Variants in PRH1 observed in about 807,000 individuals in gnomAD.
PRH1 encodes proline rich protein HaeIII subfamily 1, also known as salivary acidic proline-rich phosphoprotein 1/2.
In PRH1, 7 loss-of-function variants were observed where a neutral mutation model predicts 7.9. That is an observed-to-expected ratio of 0.89 (90% CI 0.50 to 1.67). The LOEUF is 1.67. Among genes scored for constraint, PRH1 ranks in the 40% most tolerant of loss-of-function variants. The pLI is 0.00. For synonymous variants in PRH1, 45 were observed against 80.8 expected, an observed-to-expected ratio of 0.56 and a Z score of 2.38; for missense variants, 109 against 223.6, an observed-to-expected ratio of 0.49 and a Z score of 3.27.
chr12:11,016,776 C>T (rs1163339048), intron 1 of PRH1, among the ~76,000 whole-genome samples: 1 of 152,190 alleles, frequency 6.6e-6, no homozygotes, highest in Non-Finnish European at 1.5e-5. Context: ...GCAGGACTCT[C>T]ACTTTCTTCC....
At chr12:11,113,057 A>C (rs1249094001) in intron 1 of PRH1, among the ~76,000 whole-genome samples, 1 of 152,174 alleles carries the variant, frequency 6.6e-6, no homozygotes, top group Admixed American at 6.5e-5. Context: ...AATTGCTACA[A>C]AGAGAATAAA....
intron 1 of PRH1, chr12:11,134,338 T>C: frequency 3.1e-6 from 4 of 1,270,564 alleles, no homozygotes; most frequent in Non-Finnish European, 4.3e-6. Flanking sequence ...TATATGCACC[T>C]GATTTGTGTA....
intron 1 of PRH1, among the ~76,000 whole-genome samples, chr12:11,079,502 T>C (rs950363799): frequency 0.12 from 6,898 of 59,770 alleles, 195 homozygotes; most frequent in East Asian, 0.18. Context: ...ATCCACCAAA[T>C]CTAGCTTAGA....
At chr12:10,924,452 AG>A (rs1171744469) in intron 2 of PRH1, among the ~76,000 whole-genome samples, 1 of 152,236 alleles carries the variant, frequency 6.6e-6, no homozygotes, top group Non-Finnish European at 1.5e-5. Context: ...CCATCAGATA[AG>A]GGATGGGACC....
At chr12:11,043,669 C>A (rs575781690) in intron 1 of PRH1, among the ~76,000 whole-genome samples, 21 of 151,960 alleles carry the variant, frequency 1.4e-4, no homozygotes, top group Admixed American at 2.6e-4. Flanking sequence ...AAAACAAAAT[C>A]AAAAAATTAA....
chr12:10,935,310 A>T (rs1950271170), intron 2 of PRH1, among the ~76,000 whole-genome samples: 2 of 152,152 alleles, frequency 1.3e-5, no homozygotes, highest in South Asian at 4.1e-4. Flanking sequence ...TGCTTCCTTC[A>T]TTAATATTTA....
At chr12:10,934,434 C>A (rs1950257879) in intron 2 of PRH1, among the ~76,000 whole-genome samples, 1 of 152,056 alleles carries the variant, frequency 6.6e-6, no homozygotes, top group Non-Finnish European at 1.5e-5. Flanking sequence ...TGTTATGAAT[C>A]CATTCCCCAA....
chr12:11,043,767 A>T (rs1942807786), intron 1 of PRH1, among the ~76,000 whole-genome samples: 1 of 152,170 alleles, frequency 6.6e-6, no homozygotes, highest in Non-Finnish European at 1.5e-5. Flanking sequence ...GAAAACTATA[A>T]AACACTAATG....
At chr12:10,908,744 C>T (rs754606395) in intron 2 of PRH1, 4 of 1,613,848 alleles carry the variant, frequency 2.5e-6, no homozygotes, top group Non-Finnish European at 3.4e-6. Context: ...TTAGACTGAA[C>T]ATAGTCATAG....
chr12:10,909,143 T>G (rs1367668674), intron 2 of PRH1: 1 of 1,613,830 alleles, frequency 6.2e-7, no homozygotes, highest in African/African-American at 1.3e-5. Flanking sequence ...TTCTGGAGAT[T>G]GCCAAGATAA....
intron 1 of PRH1, among the ~76,000 whole-genome samples, chr12:11,083,400 G>C (rs76912713): frequency 0.41 from 48,830 of 118,966 alleles, 9,365 homozygotes; most frequent in Non-Finnish European, 0.48. Flanking sequence ...TCATAATGCT[G>C]TATTCTTCTT....
At chr12:11,079,680 G>A (rs1346871049) in intron 1 of PRH1, among the ~76,000 whole-genome samples, 2 of 117,824 alleles carry the variant, frequency 1.7e-5, no homozygotes, top group East Asian at 4.2e-4. Flanking sequence ...AAAATAGACA[G>A]AGAATGTCAA....
chr12:10,992,286 T>A (rs1244937710), intron 1 of PRH1, among the ~76,000 whole-genome samples: 1 of 152,204 alleles, frequency 6.6e-6, no homozygotes, highest in African/African-American at 2.4e-5. Flanking sequence ...AAAGGACATA[T>A]ATCCATACTC....
chr12:11,094,233 C>T (rs1945018178), intron 1 of PRH1, among the ~76,000 whole-genome samples: 3 of 85,438 alleles, frequency 3.5e-5, no homozygotes, highest in Admixed American at 3.2e-4. Context: ...ACCCCGGAGG[C>T]GGAGGTTGCA....
intron 1 of PRH1, among the ~76,000 whole-genome samples, chr12:11,014,623 T>C (rs577893380): frequency 3.3e-5 from 5 of 152,260 alleles, no homozygotes; most frequent in Admixed American, 2.6e-4. Context: ...CCTCAACCTG[T>C]TGTCAGGACT....
At chr12:11,134,034 A>G (rs1946470959) in intron 1 of PRH1, 3 of 1,614,122 alleles carry the variant, frequency 1.9e-6, no homozygotes, top group Non-Finnish European at 2.5e-6. Context: ...GCTGGATTCA[A>G]CTGAGTTGCA....
chr12:10,910,750 TA>T (rs1949887290), intron 2 of PRH1, among the ~76,000 whole-genome samples: 1 of 152,164 alleles, frequency 6.6e-6, no homozygotes, highest in South Asian at 2.1e-4. Flanking sequence ...TTAATATAAA[TA>T]AAACACTTTA....
intron 1 of PRH1, among the ~76,000 whole-genome samples, chr12:11,088,203 TGA>T (rs1944773165): frequency 5.1e-5 from 6 of 116,770 alleles, no homozygotes; most frequent in Non-Finnish European, 7.6e-5. Flanking sequence ...TAGCCAGGCG[TGA>T]TGTTGTGCCC....
At chr12:10,988,529 G>A (rs1399176061) in intron 1 of PRH1, among the ~76,000 whole-genome samples, 1 of 152,042 alleles carries the variant, frequency 6.6e-6, no homozygotes, top group Non-Finnish European at 1.5e-5. Context: ...TGAATTTTTT[G>A]CAAGGTATAC....
Sources: allele counts gnomAD v4.1 joint callset (sites outside exome capture counted in the v4.1 genomes callset), GRCh38; gene constraint gnomAD v4.1.1; transcripts MANE v1.5; gene names NCBI Gene and HGNC (gene_info 2026-07-23, HGNC 2026-07-21).